OLA1: variants seen among roughly 807,000 people sequenced by gnomAD.
The protein encoded by OLA1 is obg-like ATPase 1.
A neutral mutation model predicts 48.4 loss-of-function variants in OLA1; 14 were observed. That is an observed-to-expected ratio of 0.29 (90% confidence interval 0.19 to 0.45). The LOEUF (loss-of-function observed/expected upper bound fraction) is 0.45, where lower values mean the gene tolerates loss of function less well. Ranked by LOEUF, OLA1 falls within the 20% of genes least tolerant of loss-of-function variation. OLA1 has a pLI of 1.00. For synonymous variants in OLA1, 127 were observed against 150.4 expected (o/e 0.84, Z 1.14); for missense variants, 325 against 467.1 (o/e 0.70, Z 2.80).
intron 5 of OLA1, among the ~76,000 whole-genome samples, chr2:174,134,085 A>G (rs1686245283): frequency 6.6e-6 from 1 of 152,242 alleles, no homozygotes; most frequent in Admixed American, 6.5e-5. Flanking sequence ...TTTGAGGCTC[A>G]TGCACATTGT....
intron 5 of OLA1, among the ~76,000 whole-genome samples, chr2:174,139,677 C>T (rs1235741004): frequency 6.6e-6 from 1 of 151,904 alleles, no homozygotes; most frequent in East Asian, 1.9e-4. Context: ...CCAGCCTGGC[C>T]AATACAATGA....
intron 4 of OLA1, among the ~76,000 whole-genome samples, chr2:174,148,343 G>A (rs1191131747): frequency 2.0e-5 from 3 of 152,194 alleles, no homozygotes; most frequent in South Asian, 4.2e-4. Context: ...GAGCCAAGAC[G>A]GTGCCACTGT....
At chr2:174,160,935 G>A (rs1310217024) in intron 4 of OLA1, among the ~76,000 whole-genome samples, 2 of 152,166 alleles carry the variant, frequency 1.3e-5, no homozygotes, top group East Asian at 1.9e-4. Flanking sequence ...AACCCTAAAC[G>A]ACAAGAAAAC....
chr2:174,162,614 C>T (rs577717022), intron 4 of OLA1, among the ~76,000 whole-genome samples: 44 of 152,148 alleles, frequency 2.9e-4, no homozygotes, highest in African/African-American at 7.2e-4. Context: ...ATAATATATA[C>T]GTCTAAATAA....
Position 174,081,848 on chromosome 2 carries a change from C to T in OLA1, c.869+76G>A. The T allele has an allele frequency of 2.2e-6, 3 of 1,355,696 alleles. No homozygotes were observed. The South Asian group carries it at 3.6e-5, about 16-fold the overall frequency. 84.0% of individuals were successfully genotyped at this position (1,355,696 alleles called of 1,614,324 possible). On this transcript the variant is annotated intron_variant, in intron 8 of 10. Coordinates refer to ENST00000284719, the MANE Select transcript of OLA1 (RefSeq NM_013341.5). The stretch of plus-strand genomic sequence containing the variant: ...GGTAATTACTCTGTCATTTATTATT[C>T]TATCAGCGCAAGCAATTAAATTACT...
intron 7 of OLA1, among the ~76,000 whole-genome samples, chr2:174,120,532 C>T (rs980113062): frequency 1.3e-5 from 2 of 152,124 alleles, no homozygotes; most frequent in African/African-American, 2.4e-5. Flanking sequence ...GCAACCAACC[C>T]GGCTGCCATG....
intron 7 of OLA1, among the ~76,000 whole-genome samples, chr2:174,114,660 T>C (rs575785738): frequency 1.1e-4 from 16 of 152,238 alleles, no homozygotes; most frequent in African/African-American, 3.4e-4. Context: ...CTAAGGAAAA[T>C]GCTGATTATC....
intron 3 of OLA1, among the ~76,000 whole-genome samples, chr2:174,225,017 T>A (rs1277823775): frequency 1.3e-5 from 2 of 152,194 alleles, no homozygotes; most frequent in African/African-American, 2.4e-5. Flanking sequence ...CCTCCAAAAC[T>A]TATGTTGAAA....
intron 4 of OLA1, among the ~76,000 whole-genome samples, chr2:174,158,768 ATAAAG>A (rs918522539): frequency 1.1e-4 from 16 of 152,184 alleles, no homozygotes; most frequent in Admixed American, 1.3e-4. Flanking sequence ...GACTATTGTA[ATAAAG>A]TAGAGAAATC....
chr2:174,103,482 A>G (rs1685444972), intron 7 of OLA1, among the ~76,000 whole-genome samples: 1 of 152,164 alleles, frequency 6.6e-6, no homozygotes. Context: ...AAATATCCTG[A>G]TCTATTATAG....
At chr2:174,178,585 C>T (rs1411934074) in intron 4 of OLA1, among the ~76,000 whole-genome samples, 1 of 151,974 alleles carries the variant, frequency 6.6e-6, no homozygotes, top group Non-Finnish European at 1.5e-5. Flanking sequence ...CTACTTTCTG[C>T]ATGCGTTATG....
At chr2:174,130,796 G>A (rs1333404735) in intron 5 of OLA1, among the ~76,000 whole-genome samples, 1 of 152,088 alleles carries the variant, frequency 6.6e-6, no homozygotes, top group Non-Finnish European at 1.5e-5. Context: ...TGAATTATTT[G>A]TCATACTTAG....
At chr2:174,095,329 T>TG (rs1178028104) in intron 7 of OLA1, among the ~76,000 whole-genome samples, 2 of 83,418 alleles carry the variant, frequency 2.4e-5, no homozygotes, top group African/African-American at 7.7e-5. Flanking sequence ...TTTCCTGTTT[T>TG]TTTTTTTTTT....
intron 4 of OLA1, among the ~76,000 whole-genome samples, chr2:174,206,169 AC>A (rs1301274396): frequency 6.6e-6 from 1 of 152,258 alleles, no homozygotes; most frequent in Non-Finnish European, 1.5e-5. Context: ...CATTTTCAAA[AC>A]CAAATCAGTC....
chr2:174,182,317 G>C (rs1276649794), intron 4 of OLA1, among the ~76,000 whole-genome samples: 1 of 152,186 alleles, frequency 6.6e-6, no homozygotes, highest in South Asian at 2.1e-4. Context: ...CTGAGGTCGG[G>C]AGTTCGAGAT....
intron 4 of OLA1, among the ~76,000 whole-genome samples, chr2:174,218,396 G>A (rs959448883): frequency 2.0e-5 from 3 of 151,950 alleles, no homozygotes; most frequent in Non-Finnish European, 2.9e-5. Context: ...AGAATTAAAA[G>A]ATGAGCTCTT....
At chr2:174,102,931 C>G (rs867384244) in intron 7 of OLA1, among the ~76,000 whole-genome samples, 6 of 152,118 alleles carry the variant, frequency 3.9e-5, no homozygotes, top group Admixed American at 2.0e-4. Flanking sequence ...CATTTGTACA[C>G]AGAAGACTGC....
chr2:174,203,704 C>A (rs896466836), intron 4 of OLA1, among the ~76,000 whole-genome samples: 2 of 151,912 alleles, frequency 1.3e-5, no homozygotes, highest in African/African-American at 4.8e-5. Context: ...TAAATAGATG[C>A]TTTGTTATTT....
chr2:174,210,409 A>G (rs1688215503), intron 4 of OLA1, among the ~76,000 whole-genome samples: 1 of 152,142 alleles, frequency 6.6e-6, no homozygotes, highest in African/African-American at 2.4e-5. Context: ...GAATTTTTAT[A>G]TATTACATAT....
Sources: allele counts gnomAD v4.1 joint callset (sites outside exome capture counted in the v4.1 genomes callset), GRCh38; gene constraint gnomAD v4.1.1; transcripts MANE v1.5; gene names NCBI Gene and HGNC (gene_info 2026-07-23, HGNC 2026-07-21).